Variants in ADAMTS14 observed in about 807,000 individuals in gnomAD.
The protein encoded by ADAMTS14 is A disintegrin and metalloproteinase with thrombospondin motifs 14.
ADAMTS14 carries 100 observed loss-of-function variants against 128.6 expected under a neutral mutation model. The ratio of observed to expected loss-of-function variants is 0.78; its 90% CI spans 0.66 to 0.92. The LOEUF is 0.92. Ranked by LOEUF, ADAMTS14 falls within the 40% of genes least tolerant of loss-of-function variation. The pLI, the probability that ADAMTS14 is intolerant of heterozygous loss-of-function variation, is 0.00. For synonymous variants in ADAMTS14, 665 were observed against 653.8 expected (o/e 1.02, Z -0.26); for missense variants, 1,562 against 1,658.6 (o/e 0.94, Z 1.01).
intron 8 of ADAMTS14, 139 bp downstream of exon 8, chr10:70,734,167 C>A (rs1476548393): frequency 2.6e-6 from 3 of 1,174,358 alleles, no homozygotes; most frequent in African/African-American, 3.0e-5. Flanking sequence ...CCCCGCCAAA[C>A]CTGGCCTAAA....
intron 11 of ADAMTS14, among the ~76,000 whole-genome samples, chr10:70,739,434 T>C (rs540366556): frequency 1.3e-5 from 2 of 152,232 alleles, no homozygotes; most frequent in East Asian, 3.9e-4. Flanking sequence ...TCAAAGCTCC[T>C]TCCCCTCTTC....
At chr10:70,703,361 C>G (rs529565528) in intron 3 of ADAMTS14, among the ~76,000 whole-genome samples, 1 of 152,218 alleles carries the variant, frequency 6.6e-6, no homozygotes, top group South Asian at 2.1e-4. Flanking sequence ...ATGACTGGAC[C>G]GCATCCTTGT....
intron 2 of ADAMTS14, among the ~76,000 whole-genome samples, chr10:70,682,505 C>T (rs975070384): frequency 2.0e-5 from 3 of 152,284 alleles, no homozygotes. Flanking sequence ...CATGCCATGA[C>T]CCTGAGCAGT....
In ADAMTS14 at chr10:70,745,284, G is replaced by A. The variant is rs1842141733; in HGVS notation, c.2241G>A (p.Leu747=). 4 of 1,612,638 alleles carry A rather than the reference G, an allele frequency of 2.5e-6. No homozygotes were observed. In the East Asian group the frequency reaches 8.9e-5, roughly 36 times the overall value. ...AGARHIQIEA[L]EKSPHRIVVK... The stretch of plus-strand genomic sequence containing the variant: ...CCAGGCACATCCAGATTGAGGCACT[G>A]GAGAAGTCCCCCCACCGCATTGGTG... The change falls in exon 15 of 22, where the codon CTG becomes CTA. Residue 747 remains leucine, a synonymous_variant. Transcript: ENST00000373207.
intron 21 of ADAMTS14, among the ~76,000 whole-genome samples, chr10:70,759,132 T>TA (rs147146770): frequency 8.1e-6 from 1 of 123,056 alleles, no homozygotes; most frequent in Non-Finnish European, 1.7e-5. Context: ...AATCTTCTAC[T>TA]TCTCTGCTCC....
chr10:70,720,214 C>A (rs1372639388), intron 4 of ADAMTS14, among the ~76,000 whole-genome samples: 2 of 152,168 alleles, frequency 1.3e-5, no homozygotes, highest in Non-Finnish European at 2.9e-5. Flanking sequence ...TAAAAGTGCT[C>A]ACTTGGAACC....
intron 3 of ADAMTS14, among the ~76,000 whole-genome samples, chr10:70,703,026 G>A (rs1419276058): frequency 6.6e-6 from 1 of 152,208 alleles, no homozygotes; most frequent in African/African-American, 2.4e-5. Context: ...ACCTGTAAAT[G>A]TTATATGTAA....
At chr10:70,702,219 A>C in intron 2 of ADAMTS14, 93 bp from the exon 3 acceptor site, 4 of 1,557,130 alleles carry the variant, frequency 2.6e-6, no homozygotes, top group Non-Finnish European at 3.5e-6. Context: ...GTAGGGTCAC[A>C]TATGTGCATT....
chr10:70,740,481 A>C (rs1303570871), intron 11 of ADAMTS14, among the ~76,000 whole-genome samples: 1 of 152,234 alleles, frequency 6.6e-6, no homozygotes, highest in Non-Finnish European at 1.5e-5. Flanking sequence ...TGGCCTGGCC[A>C]AGGTTGCACT....
chr10:70,730,778 C>T (rs1399713284), intron 6 of ADAMTS14, among the ~76,000 whole-genome samples: 3 of 152,048 alleles, frequency 2.0e-5, no homozygotes, highest in Non-Finnish European at 4.4e-5. Context: ...CTAAAGGCCC[C>T]GGGGGTGCAT....
chr10:70,730,365 G>A (rs1841597901), intron 6 of ADAMTS14, 116 bp downstream of exon 6: 1 of 1,397,390 alleles, frequency 7.2e-7, no homozygotes, highest in African/African-American at 1.4e-5. Flanking sequence ...GAGGTTTGAA[G>A]GGATGGGACC....
chr10:70,754,692 C>T (rs1564561147), intron 19 of ADAMTS14, among the ~76,000 whole-genome samples: 1 of 152,116 alleles, frequency 6.6e-6, no homozygotes, highest in Non-Finnish European at 1.5e-5. Flanking sequence ...TGGCTACGGG[C>T]TTTGCAAGGG....
Position 70,753,803 on chromosome 10 carries a change from G to A in ADAMTS14, c.2733G>A (p.Trp911Ter). The A allele has an allele frequency of 6.4e-7, 1 of 1,573,954 alleles. No individual in the cohort carries two copies. Among genetic ancestry groups the A allele is most frequent in the Non-Finnish European group, 8.6e-7 (1 of 1,159,042 alleles). ...TCTCCTTTCACCCTGTTTCCAGGTG[G>A]GTGACGGAGGAGTGGGGTGCCTGCA... ...CNQHPCSQPV[W>*]VTEEWGACSR... is the part of the protein sequence containing the mutation. Residue 911 changes from tryptophan to a stop codon, truncating the protein, a stop_gained, in exon 19 of 22, where the codon TGG (tryptophan) becomes TGA (stop). Transcript: ENST00000373207. LOFTEE classifies it high-confidence loss of function.
At chr10:70,688,852 AGGGGGAGGGG>A (rs1564521507) in intron 2 of ADAMTS14, among the ~76,000 whole-genome samples, 203 of 4,540 alleles carry the variant, frequency 0.045, 82 homozygotes, top group African/African-American at 0.28. Context: ...CCGGAGGGGG[AGGGGGAGGGG>A]GAGGGGGAGG....
chr10:70,753,267 G>A (rs1842399488), intron 18 of ADAMTS14, among the ~76,000 whole-genome samples: 1 of 152,222 alleles, frequency 6.6e-6, no homozygotes, highest in South Asian at 2.1e-4. Context: ...TTGCTCAGTG[G>A]CTAAAAGACA....
chr10:70,702,237 G>A, intron 2 of ADAMTS14, 75 bp from the exon 3 acceptor site: 1 of 1,595,166 alleles, frequency 6.3e-7, no homozygotes, highest in Non-Finnish European at 8.6e-7. Flanking sequence ...ATTCACAGAT[G>A]CTCGCCTGTC....
chr10:70,720,143 G>A (rs1224393567), intron 4 of ADAMTS14, among the ~76,000 whole-genome samples: 1 of 152,222 alleles, frequency 6.6e-6, no homozygotes, highest in Non-Finnish European at 1.5e-5. Context: ...AGACCAGCCT[G>A]TAGGCTCCAG....
chr10:70,689,882 C>T (rs1470142975), intron 2 of ADAMTS14, among the ~76,000 whole-genome samples: 1 of 145,230 alleles, frequency 6.9e-6, no homozygotes, highest in African/African-American at 2.4e-5. Flanking sequence ...CAGGCTTTCA[C>T]TCAAATGTCA....
chr10:70,696,014 G>T (rs1445288399), intron 2 of ADAMTS14, among the ~76,000 whole-genome samples: 2 of 152,242 alleles, frequency 1.3e-5, no homozygotes, highest in Non-Finnish European at 2.9e-5. Flanking sequence ...GAGAAGCCAG[G>T]GGGTATGGAG....
Sources: gnomAD v4.1 joint callset for allele counts (sites outside exome capture counted in the v4.1 genomes callset) on GRCh38, gnomAD v4.1.1 for gene constraint, MANE v1.5 for transcripts, NCBI Gene and HGNC (gene_info 2026-07-23, HGNC 2026-07-21) for gene names.